Variants in ENTREP2 observed in about 807,000 individuals in gnomAD.
ENTREP2 encodes the protein endosomal transmembrane epsin interactor 2.
At chr15:29,638,433 CAGCT>C in the ENTREP2 span, among the ~76,000 whole-genome samples, 1 of 152,232 alleles carries the variant, frequency 6.6e-6, no homozygotes, top group Non-Finnish European at 1.5e-5. Flanking sequence ...AAAACCCTGC[CAGCT>C]GAGAACCACT....
chr15:29,407,499 C>A, the ENTREP2 span, among the ~76,000 whole-genome samples: 1 of 152,062 alleles, frequency 6.6e-6, no homozygotes, highest in Non-Finnish European at 1.5e-5. Context: ...AAGACATGGG[C>A]TCAAGAAAAC....
chr15:29,542,028 G>A, the ENTREP2 span, among the ~76,000 whole-genome samples: 1 of 152,242 alleles, frequency 6.6e-6, no homozygotes, highest in East Asian at 1.9e-4. Flanking sequence ...GTTTGGTTTG[G>A]TTTGAGAGTC....
chr15:29,235,352 C>G, the ENTREP2 span, among the ~76,000 whole-genome samples: 2 of 152,148 alleles, frequency 1.3e-5, no homozygotes, highest in Non-Finnish European at 2.9e-5. Context: ...TGTAAGATAT[C>G]TGCGTGGTTG....
chr15:29,649,742 A>G, the ENTREP2 span, among the ~76,000 whole-genome samples: 1,199 of 150,960 alleles, frequency 7.9e-3, 17 homozygotes, highest in African/African-American at 0.027. Context: ...AAAAAAAAAA[A>G]AAAGAAAGAA....
the ENTREP2 span, chr15:29,269,781 T>C: frequency 1.5e-6 from 2 of 1,330,884 alleles, no homozygotes; most frequent in Non-Finnish European, 2.0e-6. Flanking sequence ...GGCGACCCGC[T>C]AACGCCGGTG....
the ENTREP2 span, among the ~76,000 whole-genome samples, chr15:29,506,231 A>C: frequency 6.6e-6 from 1 of 152,176 alleles, no homozygotes; most frequent in South Asian, 2.1e-4. Flanking sequence ...GAAAAGGAGC[A>C]AAGCCTCCAA....
chr15:29,482,130 T>C, the ENTREP2 span, among the ~76,000 whole-genome samples: 4 of 151,592 alleles, frequency 2.6e-5, no homozygotes, highest in African/African-American at 9.7e-5. Context: ...CCCAAGTAGC[T>C]GGGATTACAG....
At chr15:29,282,757 G>T in the ENTREP2 span, among the ~76,000 whole-genome samples, 80,605 of 152,096 alleles carry the variant, frequency 0.53, 23,659 homozygotes, top group Non-Finnish European at 0.68. Context: ...AGGCTGTAGA[G>T]GGCTTCAGGC....
the ENTREP2 span, among the ~76,000 whole-genome samples, chr15:29,574,255 G>C: frequency 6.6e-6 from 1 of 152,060 alleles, no homozygotes; most frequent in Non-Finnish European, 1.5e-5. Context: ...GATCAGATGG[G>C]ACTAATAGAC....
the ENTREP2 span, among the ~76,000 whole-genome samples, chr15:29,668,157 CT>C: frequency 6.6e-6 from 1 of 152,178 alleles, no homozygotes; most frequent in Non-Finnish European, 1.5e-5. Flanking sequence ...ATTAAAGAAA[CT>C]GCCCTTCACT....
the ENTREP2 span, among the ~76,000 whole-genome samples, chr15:29,261,535 A>G: frequency 6.6e-6 from 1 of 152,208 alleles, no homozygotes; most frequent in Non-Finnish European, 1.5e-5. Flanking sequence ...AGACAAAAAG[A>G]AAACATACTG....
chr15:29,326,119 C>A, the ENTREP2 span, among the ~76,000 whole-genome samples: 1 of 152,052 alleles, frequency 6.6e-6, no homozygotes, highest in East Asian at 1.9e-4. Flanking sequence ...AAAAAGCTAA[C>A]ATCACACCTA....
the ENTREP2 span, among the ~76,000 whole-genome samples, chr15:29,504,085 G>C: frequency 1.3e-5 from 2 of 152,160 alleles, no homozygotes; most frequent in Non-Finnish European, 2.9e-5. Context: ...GCCCTACTAG[G>C]AGTACAGATT....
At chr15:29,158,930 C>T in the ENTREP2 span, among the ~76,000 whole-genome samples, 2 of 152,082 alleles carry the variant, frequency 1.3e-5, no homozygotes, top group Non-Finnish European at 2.9e-5. Flanking sequence ...CTCCAGTCTA[C>T]GTAAGTTATG....
the ENTREP2 span, among the ~76,000 whole-genome samples, chr15:29,529,817 A>G: frequency 5.1e-4 from 78 of 152,264 alleles, no homozygotes; most frequent in African/African-American, 1.9e-3. Context: ...AAACTACCTC[A>G]TTTTAGATAT....
At chr15:29,597,869 C>G in the ENTREP2 span, among the ~76,000 whole-genome samples, 1 of 152,098 alleles carries the variant, frequency 6.6e-6, no homozygotes, top group Admixed American at 6.5e-5. Context: ...TGTCTGTAAT[C>G]CCAGCATTTT....
chr15:29,248,940 T>C, the ENTREP2 span, among the ~76,000 whole-genome samples: 2 of 152,204 alleles, frequency 1.3e-5, no homozygotes, highest in South Asian at 4.1e-4. Context: ...ATCTCTCTAA[T>C]TGCAAAAAGC....
At chr15:29,274,650 T>C in the ENTREP2 span, among the ~76,000 whole-genome samples, 5 of 152,142 alleles carry the variant, frequency 3.3e-5, no homozygotes, top group African/African-American at 1.2e-4. Flanking sequence ...GGGATTTCTG[T>C]TAAGGAAAAT....
chr15:29,358,068 C>A, the ENTREP2 span, among the ~76,000 whole-genome samples: 3 of 152,106 alleles, frequency 2.0e-5, no homozygotes, highest in African/African-American at 7.2e-5. Flanking sequence ...CCAGCAATTT[C>A]ATGTCCAAGT....
Sources: allele counts gnomAD v4.1 joint callset (sites outside exome capture counted in the v4.1 genomes callset), GRCh38; gene constraint gnomAD v4.1.1; transcripts MANE v1.5; gene names NCBI Gene and HGNC (gene_info 2026-07-23, HGNC 2026-07-21).